The following PCYT1A variants were observed in gnomAD, a reference collection of about 807,000 sequenced individuals.
PCYT1A encodes the protein phosphate cytidylyltransferase 1A, choline.
A neutral mutation model predicts 43.7 loss-of-function variants in PCYT1A; 25 were observed. That is an observed-to-expected ratio of 0.57 (90% CI 0.42 to 0.80). The LOEUF is 0.80. Ranked by LOEUF, PCYT1A falls within the 30% of genes least tolerant of loss-of-function variation. The pLI is 0.00. For missense variants in PCYT1A, 421 were observed against 474.2 expected, an observed-to-expected ratio of 0.89 and a Z score of 1.04; for synonymous variants, 172 against 170.7, an observed-to-expected ratio of 1.01 and a Z score of -0.06.
chr3:196,286,501 A>C (rs1183195034), intron 1 of PCYT1A, among the ~76,000 whole-genome samples: 2 of 152,210 alleles, frequency 1.3e-5, no homozygotes, highest in Non-Finnish European at 2.9e-5. Flanking sequence ...AGATGTACAA[A>C]ATCTATTTTA....
chr3:196,250,484 A>T (rs1051216764), intron 3 of PCYT1A: 1 of 164,702 alleles, frequency 6.1e-6, no homozygotes, highest in Admixed American at 6.6e-5. Flanking sequence ...CACTATGCTG[A>T]GGCTGAGGAC....
intron 3 of PCYT1A, among the ~76,000 whole-genome samples, chr3:196,248,718 G>T (rs777129268): frequency 2.6e-5 from 4 of 151,284 alleles, no homozygotes; most frequent in Non-Finnish European, 5.9e-5. Context: ...AATGGAACTG[G>T]CTCTGTGTGA....
chr3:196,286,888 T>A (rs1725929153), intron 1 of PCYT1A, among the ~76,000 whole-genome samples: 1 of 152,206 alleles, frequency 6.6e-6, no homozygotes, highest in Non-Finnish European at 1.5e-5. Context: ...CGCTCCAGCC[T>A]GGGCAACAAG....
rs1725342694 is a variant in PCYT1A, at chr3:196,268,569, G to C, written c.117+1846C>G. ...GGAGGCCGAGATAGGAAGACTACTT[G>C]AGCTCAGGAGTTCAAGACCAGCCTG... On this transcript the variant is annotated intron_variant, in intron 2 of 8. Transcript: ENST00000431016. The surrounding 1 kb of genome is among the most constrained non-coding windows in gnomAD (Gnocchi z 4.4). 6.6e-6 allele frequency among the ~76,000 whole-genome samples: 1 copy of C among 152,030 alleles called. No individual in the cohort carries two copies. The highest frequency in any genetic ancestry group is 2.1e-4 in the South Asian group (1 of 4,834).
Position 196,242,106 on chromosome 3 carries a change from A to T in PCYT1A, c.566-16T>A. On this transcript the variant is annotated splice_polypyrimidine_tract_variant and intron_variant, in intron 6 of 8. Coordinates refer to ENST00000431016, the MANE Select transcript of PCYT1A (RefSeq NM_001312673.2). The surrounding 1 kb of genome is among the most constrained non-coding windows in gnomAD (Gnocchi z 4.2). Reference sequence around the variant, plus strand: ...GCAAACATGCCTAACTCAGAAACACATACAGACAAACACTGTGAGGTTCTG... The same window carrying T: ...GCAAACATGCCTAACTCAGAAACACTTACAGACAAACACTGTGAGGTTCTG... 6.2e-7 allele frequency: 1 copy of T among 1,613,408 alleles called. No homozygotes were observed.
At chr3:196,241,254 G>A (rs1020330364) in intron 7 of PCYT1A, among the ~76,000 whole-genome samples, 5 of 150,880 alleles carry the variant, frequency 3.3e-5, no homozygotes, top group African/African-American at 7.3e-5. Flanking sequence ...CCGAGATCAC[G>A]CCACTGCACT....
Position 196,246,796 on chromosome 3 carries a change from G to A in PCYT1A, c.486+571C>T, listed in dbSNP as rs75499981. On this transcript the variant is annotated intron_variant, in intron 5 of 8. Coordinates refer to ENST00000431016, the MANE Select transcript of PCYT1A (RefSeq NM_001312673.2). ...ATGTTCTAAGGGTAGATGTGCCTAT[G>A]GTGTGGGGGGAAGGTCTCGTAACTG... 2.8e-3 allele frequency among the ~76,000 whole-genome samples: 419 copies of A among 152,324 alleles called. 6 individuals carry two copies. In the East Asian group the frequency reaches 0.035, roughly 13 times the overall value.
chr3:196,264,755 G>A (rs1054230640), intron 2 of PCYT1A, among the ~76,000 whole-genome samples: 11 of 151,932 alleles, frequency 7.2e-5, no homozygotes, highest in Non-Finnish European at 1.5e-4. Context: ...TGTAACTTCC[G>A]TCTATTTGGC....
At chr3:196,266,344 G>C (rs1725274086) in intron 2 of PCYT1A, among the ~76,000 whole-genome samples, 1 of 150,756 alleles carries the variant, frequency 6.6e-6, no homozygotes, top group South Asian at 2.1e-4. Flanking sequence ...TTGGTGGCGG[G>C]CGCCTGTAGT....
chr3:196,245,381 C>A (rs1724529928), intron 5 of PCYT1A, among the ~76,000 whole-genome samples: 1 of 152,142 alleles, frequency 6.6e-6, no homozygotes. Flanking sequence ...CTCAAGTGAT[C>A]CACCTGACTT....
intron 3 of PCYT1A, among the ~76,000 whole-genome samples, chr3:196,253,314 G>A (rs1235302070): frequency 3.1e-5 from 4 of 130,324 alleles, no homozygotes; most frequent in South Asian, 2.6e-4. Flanking sequence ...TCCAGCCTGC[G>A]AGACAGAGCA....
intron 3 of PCYT1A, among the ~76,000 whole-genome samples, chr3:196,254,709 TA>T (rs1396857958): frequency 6.6e-6 from 1 of 152,232 alleles, no homozygotes; most frequent in Non-Finnish European, 1.5e-5. Flanking sequence ...ATTTGGATGA[TA>T]AATTATATGG....
In PCYT1A at chr3:196,238,781, G is replaced by A. The variant is rs1393313542; in HGVS notation, c.1011C>T (p.Pro337=). Residue 337 remains proline (P), a synonymous_variant, in exon 9 of 9, where the codon CCC becomes CCT. Transcript: ENST00000431016. ...AAGGTGGGGAAGTCTTGCCGGAGAA[G>A]GGCCATCGGAAAGAGGGGGAGGGGG... ...ERSPSPSFRW[P]FSGKTSPPCS... is the part of the protein sequence containing the mutation. The A allele has an allele frequency of 3.1e-6, 5 of 1,588,950 alleles. No individual in the cohort carries two copies. The highest frequency in any genetic ancestry group is 1.1e-5 in the South Asian group (1 of 87,576).
chr3:196,244,586 G>A (rs1323559995), intron 5 of PCYT1A, among the ~76,000 whole-genome samples: 1 of 152,238 alleles, frequency 6.6e-6, no homozygotes, highest in Non-Finnish European at 1.5e-5. Flanking sequence ...CCCCGTCTGG[G>A]AGGTGTACCC....
chr3:196,245,952 A>G (rs1381830151), intron 5 of PCYT1A, among the ~76,000 whole-genome samples: 1 of 62,242 alleles, frequency 1.6e-5, no homozygotes, highest in African/African-American at 5.2e-5. Flanking sequence ...CTCTGTCTCA[A>G]AAAAAAAAAA....
chr3:196,273,908 T>A lies in PCYT1A; in HGVS notation c.-10-3367A>T, dbSNP rs2108779381. Among the ~76,000 whole-genome samples, 1 of 152,342 alleles carries A rather than the reference T, an allele frequency of 6.6e-6. No individual in the cohort carries two copies. The highest frequency in any genetic ancestry group is 1.5e-5 in the Non-Finnish European group (1 of 68,028). On this transcript the variant is annotated intron_variant, in intron 1 of 8. Coordinates refer to ENST00000431016, the MANE Select transcript of PCYT1A (RefSeq NM_001312673.2). This position sits in a 1 kb window ranked among gnomAD's most constrained non-coding sequence, Gnocchi z 4.1. ...TCCGCCTAGGAGCCTGTCTGCCTCC[T>A]GCTGTCATCAACCTGCTGTCCACAG...
intron 7 of PCYT1A, chr3:196,240,005 G>A (rs1724302478): frequency 5.0e-6 from 2 of 401,396 alleles, no homozygotes; most frequent in Non-Finnish European, 8.9e-6. Flanking sequence ...GCCAAATAAA[G>A]TCAGAGTTTT....
Position 196,239,542 on chromosome 3 carries a change from C to A in PCYT1A, c.897+5G>T, listed in dbSNP as rs749445747. 6.3e-7 allele frequency: 1 copy of A among 1,588,384 alleles called. No individual in the cohort carries two copies. The highest frequency in any genetic ancestry group is 8.6e-7 in the Non-Finnish European group (1 of 1,157,016). On this transcript the variant is annotated splice_donor_5th_base_variant and intron_variant, in intron 8 of 8. Transcript: ENST00000431016. ...CCCTACATTGTCCAGTGGGAAAGAA[C>A]ATACCAGTGCTCCTTCCGGACCAAA... is the stretch of plus-strand genomic sequence containing the variant.
chr3:196,242,422 T>C lies in PCYT1A; in HGVS notation c.565+140A>G. 1.3e-6 allele frequency: 1 copy of C among 741,048 alleles called. No homozygotes were observed. Among genetic ancestry groups the C allele is most frequent in the Non-Finnish European group, 2.5e-6 (1 of 402,244 alleles). The allele number at this position is 741,048 out of a possible 1,614,324, so 45.9% of individuals were successfully genotyped here. A position where few individuals can be genotyped will look rare whatever the true frequency, so the allele number is the denominator to read the frequency against. On this transcript the variant is annotated intron_variant, in intron 6 of 8. Coordinates refer to ENST00000431016, the MANE Select transcript of PCYT1A (RefSeq NM_001312673.2). The surrounding 1 kb of genome is among the most constrained non-coding windows in gnomAD (Gnocchi z 4.2). ...AGAATTGATGGGTGCTATGCTCATC[T>C]TTACCTTTTATCCAAAATGTGGCCT...
Sources: allele counts gnomAD v4.1 joint callset (sites outside exome capture counted in the v4.1 genomes callset), GRCh38; gene constraint gnomAD v4.1.1; non-coding constraint Gnocchi (gnomAD v3.1); transcripts MANE v1.5; gene names NCBI Gene and HGNC (gene_info 2026-07-23, HGNC 2026-07-21).